The following JAKMIP1 variants were observed in gnomAD, a reference collection of about 807,000 sequenced individuals.
The protein encoded by JAKMIP1 is janus kinase and microtubule-interacting protein 1.
Under a neutral mutation model 113.0 loss-of-function variants are expected in JAKMIP1, and 33 were observed. The observed-to-expected ratio is 0.29, with a 90% CI of 0.22 to 0.39. The LOEUF (loss-of-function observed/expected upper bound fraction) is 0.39. Among genes scored for constraint, JAKMIP1 ranks in the 10% least tolerant of loss-of-function variants. JAKMIP1 has a pLI of 1.00. For synonymous variants in JAKMIP1, 480 were observed against 459.9 expected, an observed-to-expected ratio of 1.04 and a Z score of -0.56; for missense variants, 813 against 1,080.5, an observed-to-expected ratio of 0.75 and a Z score of 3.47.
chr4:6,098,498 A>G lies in JAKMIP1; in HGVS notation c.624+6975T>C, dbSNP rs534292364. 2.0e-5 allele frequency among the ~76,000 whole-genome samples: 3 copies of G among 148,060 alleles called. No homozygotes were observed. The East Asian group carries it at 6.0e-4, about 30-fold the overall frequency. On this transcript the variant is annotated intron_variant, in intron 3 of 20. Transcript: ENST00000409021. ...GAAGGAAAGAAAGAAAAGAGAAAGAAAAGAAAGGAAAGGAAGGAAGGAAGA... is the reference window on the plus strand; with the variant it reads ...GAAGGAAAGAAAGAAAAGAGAAAGAGAAGAAAGGAAAGGAAGGAAGGAAGA...
Position 6,118,452 on chromosome 4 carries a change from G to C in JAKMIP1, c.-147-5455C>G, listed in dbSNP as rs1716173565. ...CTGGGACAAGGGGCATGTGGTGTCAGAGATGGGTGGGCTGCAGAGATATTT... is the reference window on the plus strand; with the variant it reads ...CTGGGACAAGGGGCATGTGGTGTCACAGATGGGTGGGCTGCAGAGATATTT... On this transcript the variant is annotated intron_variant, in intron 1 of 20. Transcript: ENST00000409021. Among the ~76,000 whole-genome samples the C allele has an allele frequency of 2.6e-5, 4 of 152,174 alleles. No homozygotes were observed. In the South Asian group the frequency reaches 8.3e-4, roughly 32 times the overall value.
chr4:6,144,597 A>G (rs986823809), intron 1 of JAKMIP1, among the ~76,000 whole-genome samples: 7 of 152,262 alleles, frequency 4.6e-5, no homozygotes, highest in Admixed American at 2.0e-4. Context: ...TCCATGTATT[A>G]TACCATATTG....
chr4:6,155,217 C>T lies in JAKMIP1; in HGVS notation c.-147-42220G>A, dbSNP rs7664436. ...CTCCGCAGTGACCCTGGTGTGCCCA[C>T]GAGGAGGACGAATGCTCCTCCTAAG... is the stretch of plus-strand genomic sequence containing the variant. On this transcript the variant is annotated intron_variant, in intron 1 of 20. Coordinates refer to ENST00000409021, the MANE Select transcript of JAKMIP1 (RefSeq NM_001099433.2). The surrounding 1 kb of genome is among the most constrained non-coding windows in gnomAD (Gnocchi z 6.1). Among the ~76,000 whole-genome samples the T allele has an allele frequency of 0.11, 17,073 of 152,074 alleles. 1,655 individuals are homozygous for T. The highest frequency in any genetic ancestry group is 0.26 in the African/African-American group (10,755 of 41,418).
At position 6,049,096 on chromosome 4, in the gene JAKMIP1, C is replaced by T. The variant is rs1379859608; in HGVS notation, c.1963-174G>A. Among the ~76,000 whole-genome samples, 3 of 151,668 alleles carry T rather than the reference C, an allele frequency of 2.0e-5. No individual in the cohort carries two copies. The highest frequency in any genetic ancestry group is 6.6e-5 in the Admixed American group (1 of 15,252). ...GGGTTTGAGTGCAGTGGTGTGATCT[C>T]GGCTCACTGTAACCTCTGCCTCCTG... On this transcript the variant is annotated intron_variant, in intron 15 of 20. Coordinates refer to ENST00000409021, the MANE Select transcript of JAKMIP1 (RefSeq NM_001099433.2). This position sits in a 1 kb window ranked among gnomAD's most constrained non-coding sequence, Gnocchi z 7.0.
chr4:6,148,435 T>C (rs1441829661), intron 1 of JAKMIP1, among the ~76,000 whole-genome samples: 1 of 152,268 alleles, frequency 6.6e-6, no homozygotes, highest in African/African-American at 2.4e-5. Context: ...GAAACACATA[T>C]ACTCATTACT....
rs2108760406 is a variant in JAKMIP1, at chr4:6,044,751, T to G, written c.2029-2524A>C. On this transcript the variant is annotated intron_variant, in intron 16 of 20. Transcript: ENST00000409021. This position sits in a 1 kb window ranked among gnomAD's most constrained non-coding sequence, Gnocchi z 4.4. The stretch of plus-strand genomic sequence containing the variant: ...AAAAAATTGCATATAAAAAATAAAT[T>G]CAACAAGACCTTTTAGCAACGGGGA... Among the ~76,000 whole-genome samples the G allele has an allele frequency of 1.3e-5, 2 of 152,206 alleles. No homozygotes were observed. The highest frequency in any genetic ancestry group is 1.3e-4 in the Admixed American group (2 of 15,302).
chr4:6,103,867 CT>C, intron 3 of JAKMIP1, among the ~76,000 whole-genome samples: 1 of 152,130 alleles, frequency 6.6e-6, no homozygotes, highest in Middle Eastern at 3.4e-3. Context: ...AATTTATTGT[CT>C]CTGTTTTGCT....
intron 12 of JAKMIP1, among the ~76,000 whole-genome samples, chr4:6,055,925 T>G (rs1716356481): frequency 6.9e-6 from 1 of 144,278 alleles, no homozygotes; most frequent in Admixed American, 6.9e-5. Context: ...TTCTGCAGAG[T>G]GTCCCCAGAG....
chr4:6,114,690 G>A (rs781571399), intron 1 of JAKMIP1, among the ~76,000 whole-genome samples: 2 of 152,350 alleles, frequency 1.3e-5, no homozygotes, highest in Middle Eastern at 3.4e-3. Flanking sequence ...ACCGCTGATC[G>A]ATTCCAGAAA....
chr4:6,198,100 C>G (rs1028014500), intron 1 of JAKMIP1, among the ~76,000 whole-genome samples: 20 of 152,344 alleles, frequency 1.3e-4, no homozygotes, highest in African/African-American at 4.3e-4. Flanking sequence ...CACTGTGTCC[C>G]GTGTCCCCAG....
At chr4:6,182,815 C>T (rs972113745) in intron 1 of JAKMIP1, among the ~76,000 whole-genome samples, 3 of 152,172 alleles carry the variant, frequency 2.0e-5, no homozygotes, top group East Asian at 1.9e-4. Context: ...AACATATCAC[C>T]GTTTCTAGAT....
chr4:6,104,426 C>G (rs115943396), intron 3 of JAKMIP1, among the ~76,000 whole-genome samples: 43 of 152,252 alleles, frequency 2.8e-4, no homozygotes, highest in African/African-American at 1.0e-3. Flanking sequence ...AAGAACTGTC[C>G]TTTTGTGTCT....
At position 6,154,670 on chromosome 4, in the gene JAKMIP1, T is replaced by C. The variant is rs1578403677; in HGVS notation, c.-147-41673A>G. Among the ~76,000 whole-genome samples, 1 of 150,956 alleles carries C rather than the reference T, an allele frequency of 6.6e-6. No individual in the cohort carries two copies. Among genetic ancestry groups the C allele is most frequent in the South Asian group, 2.1e-4 (1 of 4,742 alleles). ...TGCCCAACTCTGCAGCCCTGGCAAA[T>C]GGAATTCTTTTCAATCCGGCCCGCT... On this transcript the variant is annotated intron_variant, in intron 1 of 20. Coordinates refer to ENST00000409021, the MANE Select transcript of JAKMIP1 (RefSeq NM_001099433.2). The surrounding 1 kb of genome is among the most constrained non-coding windows in gnomAD (Gnocchi z 4.2).
chr4:6,040,732 GCGC>G lies in JAKMIP1; in HGVS notation c.2098-19_2098-17del. 6.2e-7 allele frequency: 1 copy of G among 1,605,674 alleles called. No homozygotes were observed. The highest frequency in any genetic ancestry group is 8.5e-7 in the Non-Finnish European group (1 of 1,173,158). ...TGAACAGGTCCTGAGAAAGAGGGAG[GCGC>G]CATCAGGGACCAGCGTCAGAACAGG... On this transcript the variant is annotated splice_polypyrimidine_tract_variant and intron_variant, in intron 17 of 20. Transcript: ENST00000409021. This position sits in a 1 kb window ranked among gnomAD's most constrained non-coding sequence, Gnocchi z 5.8.
intron 5 of JAKMIP1, among the ~76,000 whole-genome samples, chr4:6,084,318 CAAA>C (rs34850390): frequency 2.1e-4 from 26 of 123,006 alleles, no homozygotes; most frequent in Admixed American, 4.0e-4. Context: ...AACTTTATCT[CAAA>C]AAAAAAAAAA....
At chr4:6,029,491 C>T (rs966631224) in intron 20 of JAKMIP1, among the ~76,000 whole-genome samples, 5 of 152,120 alleles carry the variant, frequency 3.3e-5, no homozygotes, top group Non-Finnish European at 7.4e-5. Context: ...ACAGAGTTGG[C>T]CCCGGCCTGA....
intron 1 of JAKMIP1, among the ~76,000 whole-genome samples, chr4:6,126,029 T>C (rs1182795387): frequency 8.0e-6 from 1 of 124,290 alleles, no homozygotes; most frequent in Non-Finnish European, 1.6e-5. Flanking sequence ...ATACACACCA[T>C]GCAGAAACAC....
chr4:6,062,383 C>T lies in JAKMIP1; in HGVS notation c.1489G>A (p.Ala497Thr). 1 of 1,613,866 alleles carries T rather than the reference C, an allele frequency of 6.2e-7. No individual in the cohort carries two copies. Among genetic ancestry groups the T allele is most frequent in the Non-Finnish European group, 8.5e-7 (1 of 1,180,022 alleles). Residue 497 changes from alanine (A) to threonine (T), a missense_variant, in exon 10 of 21, where the codon GCC becomes ACC. Ala to Thr is a moderately conservative substitution (Grantham distance 58). Transcript: ENST00000409021. ...AGCAGGGCGTAGGCGCGTTGCAGGG[C>T]CTGGTACTCCCGGGTCAGCTGGCAG... Reference protein sequence around the residue: ...RFCQLTREYQALQRAYALLQE... With the variant: ...RFCQLTREYQTLQRAYALLQE...
chr4:6,125,787 C>A (rs1717389425), intron 1 of JAKMIP1, among the ~76,000 whole-genome samples: 2 of 139,104 alleles, frequency 1.4e-5, no homozygotes, highest in African/African-American at 3.0e-5. Context: ...TGCAGAAACA[C>A]ACACACACCA....
Sources: allele counts gnomAD v4.1 joint callset (sites outside exome capture counted in the v4.1 genomes callset), GRCh38; gene constraint gnomAD v4.1.1; non-coding constraint Gnocchi (gnomAD v3.1); transcripts MANE v1.5; gene names NCBI Gene and HGNC (gene_info 2026-07-23, HGNC 2026-07-21).